GRIA4: variants seen among roughly 807,000 people sequenced by gnomAD.
GRIA4 encodes the protein glutamate receptor 4.
A neutral mutation model predicts 104.0 loss-of-function variants in GRIA4; 34 were observed. The ratio of observed to expected loss-of-function variants is 0.33; its 90% CI spans 0.25 to 0.44. The LOEUF (loss-of-function observed/expected upper bound fraction) is 0.44. GRIA4 is among the 20% of genes least tolerant of loss of function. GRIA4 has a pLI of 1.00. For missense variants in GRIA4, 750 were observed against 1,096.5 expected (o/e 0.68, Z 4.46); for synonymous variants, 386 against 381.9 (o/e 1.01, Z -0.13).
At chr11:105,957,790 G>A (rs550094759) in intron 14 of GRIA4, among the ~76,000 whole-genome samples, 3 of 152,228 alleles carry the variant, frequency 2.0e-5, no homozygotes, top group South Asian at 4.2e-4. Flanking sequence ...ATTTCATTGA[G>A]CAGTGGTTTG....
chr11:105,969,467 G>A (rs931686927), intron 14 of GRIA4, among the ~76,000 whole-genome samples: 1 of 152,122 alleles, frequency 6.6e-6, no homozygotes, highest in African/African-American at 2.4e-5. Context: ...GGTTACAGGT[G>A]TGAAATAGCA....
In GRIA4 at chr11:105,759,992, A is replaced by G. The variant is rs951541275; in HGVS notation, c.487+6772A>G. On this transcript the variant is annotated intron_variant, in intron 4 of 16. Coordinates refer to ENST00000282499, the MANE Select transcript of GRIA4 (RefSeq NM_000829.4). Reference sequence around the variant, plus strand: ...CTTAATAAATATGAATGAATGAATCATATGGTCTCAATTCCACTTATATAA... The same window carrying G: ...CTTAATAAATATGAATGAATGAATCGTATGGTCTCAATTCCACTTATATAA... 2.9e-4 allele frequency among the ~76,000 whole-genome samples: 14 copies of G among 47,748 alleles called. No individual in the cohort carries two copies. The East Asian group carries it at 7.2e-3, about 24-fold the overall frequency. The allele number at this position is 47,748 out of a possible 152,430, so 31.3% of individuals were successfully genotyped here.
chr11:105,680,396 C>T (rs1270353875), intron 3 of GRIA4, among the ~76,000 whole-genome samples: 1 of 152,042 alleles, frequency 6.6e-6, no homozygotes, highest in African/African-American at 2.4e-5. Context: ...TGCCCAGCGC[C>T]CCAGACCTGC....
chr11:105,766,510 T>C (rs1011328509), intron 4 of GRIA4, among the ~76,000 whole-genome samples: 10 of 152,214 alleles, frequency 6.6e-5, no homozygotes, highest in African/African-American at 2.4e-4. Flanking sequence ...AATTGCAATG[T>C]AGTAACATTA....
At chr11:105,714,715 T>A (rs146382286) in intron 3 of GRIA4, among the ~76,000 whole-genome samples, 29 of 152,190 alleles carry the variant, frequency 1.9e-4, no homozygotes, top group East Asian at 1.7e-3. Context: ...GATGACAACA[T>A]CTGTTTTAGA....
chr11:105,795,501 G>T (rs527562752), intron 4 of GRIA4, among the ~76,000 whole-genome samples: 1 of 152,104 alleles, frequency 6.6e-6, no homozygotes, highest in Non-Finnish European at 1.5e-5. Flanking sequence ...TGATGTGGAC[G>T]TTTGGGTGCA....
At chr11:105,638,700 C>A (rs1272816499) in intron 3 of GRIA4, among the ~76,000 whole-genome samples, 1 of 151,956 alleles carries the variant, frequency 6.6e-6, no homozygotes, top group Non-Finnish European at 1.5e-5. Context: ...TTAATTGATC[C>A]TAGTTTTTTA....
At chr11:105,858,410 G>A (rs973455247) in intron 4 of GRIA4, among the ~76,000 whole-genome samples, 3 of 151,988 alleles carry the variant, frequency 2.0e-5, no homozygotes, top group African/African-American at 7.2e-5. Flanking sequence ...TTTATGGGGT[G>A]CATGAAATAT....
chr11:105,669,734 T>C (rs1210627065), intron 3 of GRIA4, among the ~76,000 whole-genome samples: 1 of 152,166 alleles, frequency 6.6e-6, no homozygotes, highest in Non-Finnish European at 1.5e-5. Context: ...TCATATTAGG[T>C]AGGTACTATT....
intron 3 of GRIA4, among the ~76,000 whole-genome samples, chr11:105,621,730 A>C (rs1352961765): frequency 2.0e-5 from 3 of 151,836 alleles, no homozygotes; most frequent in Admixed American, 1.3e-4. Flanking sequence ...TCCTGGAGGT[A>C]AAATTGCTAT....
At chr11:105,747,852 C>T (rs1456454979) in intron 3 of GRIA4, among the ~76,000 whole-genome samples, 2 of 151,994 alleles carry the variant, frequency 1.3e-5, no homozygotes, top group Non-Finnish European at 2.9e-5. Context: ...TAAAAACAGC[C>T]AAAATGCTCA....
chr11:105,723,517 A>T (rs897404248), intron 3 of GRIA4, among the ~76,000 whole-genome samples: 5 of 152,086 alleles, frequency 3.3e-5, no homozygotes, highest in African/African-American at 9.7e-5. Context: ...GAGAGTTAGG[A>T]TGTCTAAATT....
intron 3 of GRIA4, among the ~76,000 whole-genome samples, chr11:105,681,832 A>G (rs976471645): frequency 2.0e-5 from 3 of 152,178 alleles, no homozygotes; most frequent in African/African-American, 7.2e-5. Context: ...ACTTGAGGTC[A>G]GGAGTTCAAA....
At chr11:105,698,242 T>C (rs1260514983) in intron 3 of GRIA4, among the ~76,000 whole-genome samples, 1 of 152,170 alleles carries the variant, frequency 6.6e-6, no homozygotes, top group East Asian at 1.9e-4. Flanking sequence ...TAAATGTCTA[T>C]AACGGAAAAG....
chr11:105,802,339 A>C (rs1002183850), intron 4 of GRIA4, among the ~76,000 whole-genome samples: 2 of 152,102 alleles, frequency 1.3e-5, no homozygotes, highest in African/African-American at 2.4e-5. Context: ...AACTGAATCA[A>C]CCTCTCAGAT....
chr11:105,757,372 T>C (rs1940376595), intron 4 of GRIA4, among the ~76,000 whole-genome samples: 1 of 151,970 alleles, frequency 6.6e-6, no homozygotes, highest in Non-Finnish European at 1.5e-5. Context: ...GAAGGAGTGA[T>C]GAAATCTAAC....
At chr11:105,934,235 G>C (rs1224303484) in intron 14 of GRIA4, among the ~76,000 whole-genome samples, 1 of 151,870 alleles carries the variant, frequency 6.6e-6, no homozygotes, top group Non-Finnish European at 1.5e-5. Context: ...CCTAAGGCAT[G>C]GGTAGCATAT....
At position 105,627,890 on chromosome 11, in the gene GRIA4, C is replaced by T. The variant is rs769051263; in HGVS notation, c.247+15456C>T. On this transcript the variant is annotated intron_variant, in intron 3 of 16. Coordinates refer to ENST00000282499, the MANE Select transcript of GRIA4 (RefSeq NM_000829.4). ...TACTGATTAAATATCAAGCATCCGC[C>T]GCCTTTTTAAAGTTATTCTTGATAG... Among the ~76,000 whole-genome samples the T allele has an allele frequency of 2.0e-5, 3 of 152,076 alleles. No individual in the cohort carries two copies. In the East Asian group the frequency reaches 5.8e-4, roughly 29 times the overall value.
chr11:105,814,047 G>C (rs576011741), intron 4 of GRIA4, among the ~76,000 whole-genome samples: 2 of 152,266 alleles, frequency 1.3e-5, no homozygotes, highest in South Asian at 4.1e-4. Context: ...GGATGAAACA[G>C]CAAGTGCAAA....
Sources: gnomAD v4.1 joint callset for allele counts (sites outside exome capture counted in the v4.1 genomes callset) on GRCh38, gnomAD v4.1.1 for gene constraint, MANE v1.5 for transcripts, NCBI Gene and HGNC (gene_info 2026-07-23, HGNC 2026-07-21) for gene names.